TSPAN9: variants seen among roughly 807,000 people sequenced by gnomAD.
The protein encoded by TSPAN9 is tetraspanin 9.
Under a neutral mutation model 31.0 loss-of-function variants are expected in TSPAN9, and 16 were observed. That is an observed-to-expected ratio of 0.52 (90% CI 0.35 to 0.78). The LOEUF (loss-of-function observed/expected upper bound fraction) is 0.78, where lower values mean the gene tolerates loss of function less well. TSPAN9 is among the 30% of genes least tolerant of loss of function. TSPAN9 has a pLI of 0.01. For missense variants in TSPAN9, 272 were observed against 312.5 expected (o/e 0.87, Z 0.98); for synonymous variants, 145 against 121.6 (o/e 1.19, Z -1.27).
At chr12:3,244,642 TCCCACCAGATGGCGATCC>T (rs2098398435) in intron 3 of TSPAN9, among the ~76,000 whole-genome samples, 1 of 151,966 alleles carries the variant, frequency 6.6e-6, no homozygotes, top group Admixed American at 6.5e-5. Flanking sequence ...TAGCAGCAGG[TCCCACCAGATGGCGATCC>T]CCCAGCCACC....
chr12:3,270,494 T>C (rs566197222), intron 3 of TSPAN9, among the ~76,000 whole-genome samples: 1 of 152,340 alleles, frequency 6.6e-6, no homozygotes, highest in South Asian at 2.1e-4. Context: ...CTCCCAGGGC[T>C]ATACCAACCT....
At chr12:3,199,629 C>T (rs1038608816) in intron 2 of TSPAN9, among the ~76,000 whole-genome samples, 4 of 152,364 alleles carry the variant, frequency 2.6e-5, no homozygotes, top group East Asian at 3.9e-4. Flanking sequence ...TCCCTGTCAG[C>T]CTGCCTGGGG....
intron 3 of TSPAN9, among the ~76,000 whole-genome samples, chr12:3,264,967 C>G (rs779419274): frequency 1.3e-4 from 20 of 152,208 alleles, no homozygotes; most frequent in Admixed American, 4.6e-4. Flanking sequence ...CCCACACACT[C>G]CAGCTCTGGC....
chr12:3,086,477 T>C (rs1228431075), intron 2 of TSPAN9, among the ~76,000 whole-genome samples: 2 of 152,218 alleles, frequency 1.3e-5, no homozygotes, highest in African/African-American at 2.4e-5. Context: ...TCTGAGAGTC[T>C]TGTGACCATT....
At chr12:3,269,272 G>GTTCCTGCAGCCTGCCCTCTC in intron 3 of TSPAN9, among the ~76,000 whole-genome samples, 1 of 30,266 alleles carries the variant, frequency 3.3e-5, no homozygotes, top group Non-Finnish European at 5.9e-5. Flanking sequence ...CCTGCCCTGT[G>GTTCCTGCAGCCTGCCCTCTC]TTCCTGCAGC....
At chr12:3,244,109 T>A (rs542407228) in intron 3 of TSPAN9, among the ~76,000 whole-genome samples, 1 of 152,298 alleles carries the variant, frequency 6.6e-6, no homozygotes, top group East Asian at 1.9e-4. Flanking sequence ...CACAGTGGAC[T>A]CCAGGGTGAT....
At chr12:3,278,354 A>C in intron 3 of TSPAN9, 67 bp from the exon 4 acceptor site, 1 of 1,580,140 alleles carries the variant, frequency 6.3e-7, no homozygotes, top group South Asian at 1.2e-5. Context: ...GGGGACCTGC[A>C]CTGTTCCCAG....
At chr12:3,158,114 G>A (rs141995504) in intron 2 of TSPAN9, among the ~76,000 whole-genome samples, 2 of 152,224 alleles carry the variant, frequency 1.3e-5, no homozygotes, top group Admixed American at 6.5e-5. Flanking sequence ...TGCTTTCCTC[G>A]ACCAAGTCTA....
intron 1 of TSPAN9, among the ~76,000 whole-genome samples, chr12:3,082,818 G>A (rs770931343): frequency 1.8e-4 from 27 of 152,130 alleles, no homozygotes; most frequent in Admixed American, 1.1e-3. Context: ...GCATTGTTTC[G>A]TCAACTAGAT....
intron 2 of TSPAN9, among the ~76,000 whole-genome samples, chr12:3,140,143 CG>C (rs2098334103): frequency 1.1e-4 from 1 of 8,978 alleles, no homozygotes; most frequent in Admixed American, 2.1e-3. Flanking sequence ...GAGTGTGGCC[CG>C]TGGACCTGGG....
intron 3 of TSPAN9, among the ~76,000 whole-genome samples, chr12:3,274,758 C>T (rs1862752438): frequency 1.3e-5 from 2 of 152,372 alleles, no homozygotes; most frequent in Non-Finnish European, 1.5e-5. Context: ...GAGAGCTCAT[C>T]TCGGCAGGAG....
intron 2 of TSPAN9, among the ~76,000 whole-genome samples, chr12:3,198,874 A>AGCACAGGCCACCACCC (rs2098369448): frequency 6.7e-6 from 1 of 149,688 alleles, no homozygotes; most frequent in Admixed American, 6.6e-5. Context: ...GGCCACCACC[A>AGCACAGGCCACCACCC]GCACAGGTCA....
In TSPAN9 at chr12:3,275,664, GAA is replaced by G. The variant is rs1565642906; in HGVS notation, c.64-2756_64-2755del. ...GGCGGGGCTAGCCCCGTTCCCTGGC[GAA>G]GCTTTGTGATGGCCCAGTTGGGCGA... On this transcript the variant is annotated intron_variant, in intron 3 of 8. Transcript: ENST00000011898. Among the ~76,000 whole-genome samples, 3 of 152,256 alleles carry G rather than the reference GAA, an allele frequency of 2.0e-5. No homozygotes were observed. The East Asian group carries it at 5.8e-4, about 29-fold the overall frequency.
At chr12:3,202,688 C>G (rs779538344) in intron 3 of TSPAN9, among the ~76,000 whole-genome samples, 72 of 152,118 alleles carry the variant, frequency 4.7e-4, no homozygotes, top group Middle Eastern at 3.2e-3. Flanking sequence ...AGAGAAGCCC[C>G]CCTCCCTGCC....
chr12:3,226,773 TATATATATATATATATATA>T lies in TSPAN9; in HGVS notation c.63+25518_63+25536del, dbSNP rs2098387874. 5.5e-4 allele frequency among the ~76,000 whole-genome samples: 3 copies of T among 5,484 alleles called. 1 individual carries two copies. Among genetic ancestry groups the T allele is most frequent in the Non-Finnish European group, 1.2e-3 (3 of 2,418 alleles). 3.6% of individuals were successfully genotyped at this position (5,484 alleles called of 152,430 possible). On this transcript the variant is annotated intron_variant, in intron 3 of 8. Transcript: ENST00000011898. Reference sequence around the variant, plus strand: ...ATATATATATATATATATATATATATATATATATATATATATATATATTTTTTTTTTTTTTTCCCTCTTC... The same window carrying T: ...ATATATATATATATATATATATATATTATTTTTTTTTTTTTTTCCCTCTTC...
In TSPAN9 at chr12:3,285,236, G is replaced by A. The variant is rs1862992072; in HGVS notation, c.*2120G>A. 6.7e-6 allele frequency: 1 copy of A among 149,930 alleles called. No homozygotes were observed. The highest frequency in any genetic ancestry group is 2.5e-5 in the African/African-American group (1 of 40,460). The allele number at this position is 149,930 out of a possible 1,614,324, so 9.3% of individuals were successfully genotyped here. A position where few individuals can be genotyped will look rare whatever the true frequency, so the allele number is the denominator to read the frequency against. On this transcript the variant is annotated 3_prime_UTR_variant, in exon 9 of 9. Transcript: ENST00000011898. Reference sequence around the variant, plus strand: ...CAGACAAGTGCTGCAGTTGCACGGTGGGACCCGGGGCCTCGTGCGTTTTTT... The same window carrying A: ...CAGACAAGTGCTGCAGTTGCACGGTAGGACCCGGGGCCTCGTGCGTTTTTT...
At chr12:3,242,570 C>A (rs963696191) in intron 3 of TSPAN9, among the ~76,000 whole-genome samples, 7 of 152,372 alleles carry the variant, frequency 4.6e-5, no homozygotes, top group African/African-American at 1.7e-4. Context: ...TGCCAGCTCC[C>A]CGAGGATGGG....
At chr12:3,218,181 T>G (rs983419721) in intron 3 of TSPAN9, among the ~76,000 whole-genome samples, 1 of 152,114 alleles carries the variant, frequency 6.6e-6, no homozygotes, top group African/African-American at 2.4e-5. Context: ...TTCTCTAGGC[T>G]TTGTTTTGGC....
chr12:3,231,895 G>A (rs1591693700), intron 3 of TSPAN9, among the ~76,000 whole-genome samples: 1 of 152,220 alleles, frequency 6.6e-6, no homozygotes, highest in East Asian at 1.9e-4. Context: ...CCTGTGCCTG[G>A]GCCTGGCTCT....
Sources: allele counts gnomAD v4.1 joint callset (sites outside exome capture counted in the v4.1 genomes callset), GRCh38; gene constraint gnomAD v4.1.1; transcripts MANE v1.5; gene names NCBI Gene and HGNC (gene_info 2026-07-23, HGNC 2026-07-21).